The following DCC variants were observed in gnomAD, a reference collection of about 807,000 sequenced individuals.
DCC encodes the protein DCC netrin 1 receptor.
A neutral mutation model predicts 172.5 loss-of-function variants in DCC; 58 were observed. That is an observed-to-expected ratio of 0.34 (90% CI 0.27 to 0.42). The LOEUF (loss-of-function observed/expected upper bound fraction) is 0.42. DCC is among the 10% of genes least tolerant of loss of function. The pLI is 1.00. For synonymous variants in DCC, 709 were observed against 644.5 expected (o/e 1.10, Z -1.52); for missense variants, 1,740 against 1,791.0 (o/e 0.97, Z 0.51).
At chr18:52,527,898 C>T (rs2032031957) in intron 1 of DCC, among the ~76,000 whole-genome samples, 1 of 152,192 alleles carries the variant, frequency 6.6e-6, no homozygotes. Flanking sequence ...TCCCCAAAGA[C>T]TTGGCCTTAT....
chr18:52,512,755 G>A (rs2031487888), intron 1 of DCC, among the ~76,000 whole-genome samples: 1 of 151,996 alleles, frequency 6.6e-6, no homozygotes, highest in Non-Finnish European at 1.5e-5. Flanking sequence ...ATAAATGCTG[G>A]GGGGAAAAAA....
chr18:53,482,863 T>C (rs2045851575), intron 25 of DCC, among the ~76,000 whole-genome samples: 1 of 151,950 alleles, frequency 6.6e-6, no homozygotes, highest in Non-Finnish European at 1.5e-5. Flanking sequence ...TGTTTAAAAA[T>C]AGACTTTATG....
chr18:52,369,720 G>T (rs561481733), intron 1 of DCC, among the ~76,000 whole-genome samples: 1 of 152,034 alleles, frequency 6.6e-6, no homozygotes, highest in East Asian at 1.9e-4. Flanking sequence ...ACTCAAAGGT[G>T]ATGTTACTTT....
chr18:52,499,178 G>C (rs1229483841), intron 1 of DCC, among the ~76,000 whole-genome samples: 1 of 152,164 alleles, frequency 6.6e-6, no homozygotes, highest in Non-Finnish European at 1.5e-5. Flanking sequence ...GCTGATCAAG[G>C]ATCTAGTGAC....
chr18:52,564,667 TG>T (rs66655401), intron 1 of DCC, among the ~76,000 whole-genome samples: 30,316 of 110,174 alleles, frequency 0.28, 3,568 homozygotes, highest in South Asian at 0.35. Flanking sequence ...ATTATAATAT[TG>T]GGGGGGGGGG....
intron 1 of DCC, among the ~76,000 whole-genome samples, chr18:52,426,642 TGAGAA>T (rs936801690): frequency 1.9e-4 from 28 of 145,330 alleles, no homozygotes; most frequent in African/African-American, 6.8e-4. Flanking sequence ...CTGATAGTTC[TGAGAA>T]GAGAATTAAT....
At chr18:53,399,339 T>C (rs956014951) in intron 18 of DCC, among the ~76,000 whole-genome samples, 1 of 152,112 alleles carries the variant, frequency 6.6e-6, no homozygotes, top group Non-Finnish European at 1.5e-5. Flanking sequence ...TTGAGACAGG[T>C]GATCACACAG....
intron 2 of DCC, among the ~76,000 whole-genome samples, chr18:52,871,912 T>C (rs1322443883): frequency 6.6e-6 from 1 of 152,134 alleles, no homozygotes; most frequent in Non-Finnish European, 1.5e-5. Context: ...TTTTTTTCCC[T>C]CTGCTTGACT....
chr18:52,793,941 G>T (rs1399844262), intron 2 of DCC, among the ~76,000 whole-genome samples: 1 of 151,934 alleles, frequency 6.6e-6, no homozygotes, highest in East Asian at 1.9e-4. Context: ...AAATCAGTTG[G>T]CTGTAAATAG....
chr18:52,778,273 T>C (rs2037469830), intron 2 of DCC, among the ~76,000 whole-genome samples: 1 of 152,210 alleles, frequency 6.6e-6, no homozygotes, highest in Non-Finnish European at 1.5e-5. Context: ...TGTGCACTAA[T>C]ACATAAAAAT....
chr18:52,365,322 G>A (rs1412176223), intron 1 of DCC, among the ~76,000 whole-genome samples: 2 of 152,206 alleles, frequency 1.3e-5, no homozygotes, highest in Admixed American at 1.3e-4. Flanking sequence ...ATTGAGGCAA[G>A]GGAGATATAG....
intron 1 of DCC, among the ~76,000 whole-genome samples, chr18:52,557,200 C>A (rs915379762): frequency 5.3e-5 from 8 of 152,120 alleles, no homozygotes; most frequent in African/African-American, 1.9e-4. Context: ...AAACAGTTAA[C>A]AAAGTATGTT....
At chr18:52,369,247 TTC>T (rs762525303) in intron 1 of DCC, among the ~76,000 whole-genome samples, 33 of 150,052 alleles carry the variant, frequency 2.2e-4, no homozygotes, top group Non-Finnish European at 4.0e-4. Flanking sequence ...TGGGTTTTTT[TTC>T]TTTGTGGGTT....
intron 2 of DCC, among the ~76,000 whole-genome samples, chr18:52,766,043 C>T (rs921925583): frequency 2.6e-5 from 4 of 152,164 alleles, no homozygotes; most frequent in Admixed American, 1.3e-4. Context: ...GCTCTCAACT[C>T]CTTGTGGAGG....
At chr18:53,498,174 T>TA (rs1207848119) in intron 26 of DCC, among the ~76,000 whole-genome samples, 3 of 152,242 alleles carry the variant, frequency 2.0e-5, no homozygotes, top group Non-Finnish European at 4.4e-5. Context: ...TTTTGTATCT[T>TA]AAATCTCTAT....
At chr18:53,481,075 TA>T (rs1463029962) in intron 25 of DCC, 1 of 152,242 alleles carries the variant, frequency 6.6e-6, no homozygotes, top group Non-Finnish European at 1.5e-5. Context: ...ATGAGTGATC[TA>T]AAATAGAGAA....
At chr18:52,700,889 T>C (rs1293791266) in intron 1 of DCC, among the ~76,000 whole-genome samples, 1 of 152,250 alleles carries the variant, frequency 6.6e-6, no homozygotes, top group Non-Finnish European at 1.5e-5. Context: ...TAGCACGTGA[T>C]ATTGGTTGAC....
intron 1 of DCC, among the ~76,000 whole-genome samples, chr18:52,525,257 A>G (rs1341750734): frequency 1.3e-5 from 2 of 152,076 alleles, no homozygotes; most frequent in Non-Finnish European, 2.9e-5. Flanking sequence ...ATCATTCTGT[A>G]TCTGTTGGTA....
intron 15 of DCC, among the ~76,000 whole-genome samples, chr18:53,351,407 A>ATATATATACAG (rs1568075142): frequency 0.016 from 312 of 19,106 alleles, 28 homozygotes; most frequent in African/African-American, 0.072. Context: ...CAGTGTATAT[A>ATATATATACAG]TATATATATA....
Sources: gnomAD v4.1 joint callset for allele counts (sites outside exome capture counted in the v4.1 genomes callset) on GRCh38, gnomAD v4.1.1 for gene constraint, MANE v1.5 for transcripts, NCBI Gene and HGNC (gene_info 2026-07-23, HGNC 2026-07-21) for gene names.